The following NFIB variants were observed in gnomAD, a reference collection of about 807,000 sequenced individuals.
NFIB encodes nuclear factor I B.
A neutral mutation model predicts 61.5 loss-of-function variants in NFIB; 11 were observed. That is an observed-to-expected ratio of 0.18 (90% CI 0.11 to 0.30). The LOEUF (loss-of-function observed/expected upper bound fraction) is 0.30. Among genes scored for constraint, NFIB ranks in the 10% least tolerant of loss-of-function variants. The pLI is 1.00. For synonymous variants in NFIB, 260 were observed against 216.5 expected (o/e 1.20, Z -1.76); for missense variants, 471 against 608.9 (o/e 0.77, Z 2.38).
intron 2 of NFIB, among the ~76,000 whole-genome samples, chr9:14,264,001 T>C (rs986839759): frequency 2.6e-5 from 4 of 152,206 alleles, no homozygotes; most frequent in African/African-American, 7.2e-5. Flanking sequence ...GGCAGAACAA[T>C]TGCCCATGGT....
chr9:14,432,472 A>T, the NFIB span, among the ~76,000 whole-genome samples: 5 of 152,242 alleles, frequency 3.3e-5, no homozygotes, highest in African/African-American at 7.2e-5. Context: ...TCTGACCAAC[A>T]CAATCTCCTT....
the NFIB span, among the ~76,000 whole-genome samples, chr9:14,460,276 C>T: frequency 1.3e-5 from 2 of 151,688 alleles, no homozygotes; most frequent in Admixed American, 1.3e-4. Context: ...GGACAAAAAA[C>T]CAAACACCAC....
the NFIB span, among the ~76,000 whole-genome samples, chr9:14,526,855 C>G: frequency 6.6e-6 from 1 of 152,272 alleles, no homozygotes; most frequent in East Asian, 1.9e-4. Context: ...CTTGAGAACA[C>G]GACCCTTTGC....
At chr9:14,098,667 T>C (rs149098913) in intron 10 of NFIB, among the ~76,000 whole-genome samples, 143 of 152,318 alleles carry the variant, frequency 9.4e-4, no homozygotes, top group Non-Finnish European at 1.6e-3. Flanking sequence ...TCCTAAGATC[T>C]TGAGCCCATT....
At chr9:14,506,649 T>C in the NFIB span, among the ~76,000 whole-genome samples, 1 of 152,192 alleles carries the variant, frequency 6.6e-6, no homozygotes, top group African/African-American at 2.4e-5. Flanking sequence ...GTTAGGTTTA[T>C]TCTAAATAGC....
chr9:14,333,149 GC>G (rs1399771211), intron 1 of NFIB, among the ~76,000 whole-genome samples: 1 of 152,122 alleles, frequency 6.6e-6, no homozygotes, highest in Non-Finnish European at 1.5e-5. Flanking sequence ...AGAGATGTAT[GC>G]CCTTTCACTC....
chr9:14,194,992 C>T (rs948539701), intron 2 of NFIB, among the ~76,000 whole-genome samples: 2 of 151,848 alleles, frequency 1.3e-5, no homozygotes, highest in African/African-American at 2.4e-5. Flanking sequence ...GAAAGAGATC[C>T]CGTAAGCTTC....
intron 10 of NFIB, among the ~76,000 whole-genome samples, chr9:14,110,468 C>G (rs2037198018): frequency 6.6e-6 from 1 of 152,050 alleles, no homozygotes; most frequent in Non-Finnish European, 1.5e-5. Flanking sequence ...TTTTGAATTT[C>G]TCCTAGCTAA....
chr9:14,496,973 A>T, the NFIB span, among the ~76,000 whole-genome samples: 43 of 152,312 alleles, frequency 2.8e-4, no homozygotes, highest in Non-Finnish European at 4.7e-4. Context: ...GGCTTAGTTC[A>T]TTGTAGTCTT....
intron 1 of NFIB, among the ~76,000 whole-genome samples, chr9:14,360,184 T>C (rs1417941504): frequency 1.3e-5 from 2 of 152,208 alleles, no homozygotes; most frequent in Non-Finnish European, 2.9e-5. Flanking sequence ...TCAATCATGT[T>C]CATTTGTGCT....
At chr9:14,113,113 A>T in intron 9 of NFIB, 32 bp from the exon 10 acceptor site, 1 of 1,541,832 alleles carries the variant, frequency 6.5e-7, no homozygotes, top group Non-Finnish European at 8.8e-7. Flanking sequence ...CAAAGATAAA[A>T]ATTGTGAACT....
At chr9:14,403,538 C>T (rs2061762765), upstream of NFIB, among the ~76,000 whole-genome samples, 1 of 151,974 alleles carries the variant, frequency 6.6e-6, no homozygotes, top group Admixed American at 6.6e-5. Flanking sequence ...CCTCTCCCCT[C>T]TTCTTTCCCA....
chr9:14,178,591 A>G (rs1401955530), intron 3 of NFIB, among the ~76,000 whole-genome samples: 2 of 152,200 alleles, frequency 1.3e-5, no homozygotes, highest in Non-Finnish European at 2.9e-5. Flanking sequence ...ATACAGAATT[A>G]ATAAATATTT....
At chr9:14,159,445 G>C (rs1323947694) in intron 3 of NFIB, among the ~76,000 whole-genome samples, 1 of 152,130 alleles carries the variant, frequency 6.6e-6, no homozygotes, top group Non-Finnish European at 1.5e-5. Context: ...TTTAGTGGAG[G>C]AAGGTTTCCT....
intron 1 of NFIB, among the ~76,000 whole-genome samples, chr9:14,376,518 A>ATTTT (rs35781223): frequency 0.034 from 4,822 of 141,176 alleles, 277 homozygotes; most frequent in African/African-American, 0.11. Flanking sequence ...TAAAAGTGTC[A>ATTTT]TTTTTTTTTT....
rs2032299503 is a variant in NFIB, at chr9:14,083,186, T to C, written c.*5123A>G. On this transcript the variant is annotated 3_prime_UTR_variant, in exon 11 of 11. Coordinates refer to ENST00000380953, the MANE Select transcript of NFIB (RefSeq NM_001190737.2). ...ACCGTCTCCAACTTGTCCCCTTTACTATTAACAATGTGACCAACAGATCTG... is the reference window on the plus strand; with the variant it reads ...ACCGTCTCCAACTTGTCCCCTTTACCATTAACAATGTGACCAACAGATCTG... The C allele has an allele frequency of 4.5e-6, 1 of 220,430 alleles. No individual in the cohort carries two copies. Among genetic ancestry groups the C allele is most frequent in the East Asian group, 6.6e-5 (1 of 15,124 alleles). The allele number at this position is 220,430 out of a possible 1,614,324, so 13.7% of individuals were successfully genotyped here. A position where few individuals can be genotyped will look rare whatever the true frequency, so the allele number is the denominator to read the frequency against.
intron 2 of NFIB, among the ~76,000 whole-genome samples, chr9:14,290,657 A>G (rs529450211): frequency 3.5e-4 from 54 of 152,114 alleles, no homozygotes; most frequent in Admixed American, 1.2e-3. Flanking sequence ...CATTCTTAAC[A>G]TTAAAAATAT....
intron 7 of NFIB, among the ~76,000 whole-genome samples, chr9:14,124,366 A>G (rs1357681348): frequency 6.6e-6 from 1 of 152,170 alleles, no homozygotes; most frequent in African/African-American, 2.4e-5. Flanking sequence ...ATAAATGCAA[A>G]AGTTCTTATA....
rs1564001678 is a variant in NFIB at position 14,313,528 on chromosome 9, G to T, written c.-17C>A. On this transcript the variant is annotated 5_prime_UTR_variant, in exon 1 of 11. Transcript: ENST00000380953. The surrounding 1 kb of genome is among the most constrained non-coding windows in gnomAD (Gnocchi z 4.5). ...ATACATCATGACTTCGCCTTAAAAC[G>T]CACTTTCCGGGAGATGCCCAAGAAA... is the stretch of plus-strand genomic sequence containing the variant. 6.2e-7 allele frequency: 1 copy of T among 1,613,454 alleles called. No individual in the cohort carries two copies. Among genetic ancestry groups the T allele is most frequent in the Non-Finnish European group, 8.5e-7 (1 of 1,179,710 alleles).
Sources: gnomAD v4.1 joint callset for allele counts (sites outside exome capture counted in the v4.1 genomes callset) on GRCh38, gnomAD v4.1.1 for gene constraint, Gnocchi (gnomAD v3.1) non-coding constraint, MANE v1.5 for transcripts, NCBI Gene and HGNC (gene_info 2026-07-23, HGNC 2026-07-21) for gene names.